Variants in PTPRD observed in about 807,000 individuals in gnomAD.
PTPRD encodes the protein protein tyrosine phosphatase receptor type D, also known as receptor-type tyrosine-protein phosphatase delta.
PTPRD carries 34 observed loss-of-function variants against 214.5 expected under a neutral mutation model. The ratio of observed to expected loss-of-function variants is 0.16; its 90% CI spans 0.12 to 0.21. The LOEUF (loss-of-function observed/expected upper bound fraction) is 0.21, where lower values mean the gene tolerates loss of function less well. Ranked by LOEUF, PTPRD falls within the 10% of genes least tolerant of loss-of-function variation. The pLI, the probability that PTPRD is intolerant of heterozygous loss-of-function variation, is 1.00. For synonymous variants in PTPRD, 1,128 were observed against 845.7 expected (o/e 1.33, Z -5.79); for missense variants, 2,545 against 2,398.7 (o/e 1.06, Z -1.27).
chr9:9,709,190 A>G (rs1022161308), intron 7 of PTPRD, among the ~76,000 whole-genome samples: 3 of 152,002 alleles, frequency 2.0e-5, no homozygotes, highest in Non-Finnish European at 4.4e-5. Context: ...TTAGTCATGA[A>G]TGCTTAGTAT....
intron 44 of PTPRD, among the ~76,000 whole-genome samples, chr9:8,329,829 T>C (rs544890992): frequency 9.9e-5 from 15 of 152,220 alleles, no homozygotes; most frequent in Middle Eastern, 3.4e-3. Context: ...ACAAACAGCC[T>C]ACTCTAGCCT....
At chr9:10,379,193 A>C (rs527326008) in intron 2 of PTPRD, among the ~76,000 whole-genome samples, 9 of 151,268 alleles carry the variant, frequency 5.9e-5, no homozygotes, top group South Asian at 2.1e-4. Flanking sequence ...TTTAGGGTAC[A>C]TGTGCACAAT....
At chr9:8,607,840 A>G (rs888537024) in intron 14 of PTPRD, among the ~76,000 whole-genome samples, 2 of 152,186 alleles carry the variant, frequency 1.3e-5, no homozygotes, top group Non-Finnish European at 2.9e-5. Context: ...TCTAGGATAT[A>G]TAATTTTAAG....
At chr9:8,500,686 C>T (rs992220479) in intron 24 of PTPRD, 68 bp downstream of exon 24, 5 of 1,473,600 alleles carry the variant, frequency 3.4e-6, no homozygotes, top group Middle Eastern at 2.3e-4. Context: ...TTACTGTGAG[C>T]CTATTGAAAG....
intron 11 of PTPRD, among the ~76,000 whole-genome samples, chr9:8,890,151 A>G (rs547978647): frequency 6.6e-6 from 1 of 152,370 alleles, no homozygotes; most frequent in Admixed American, 6.5e-5. Context: ...TATATGTCAG[A>G]ATATTCTCAT....
At chr9:8,428,391 C>G (rs1386274160) in intron 35 of PTPRD, among the ~76,000 whole-genome samples, 1 of 152,182 alleles carries the variant, frequency 6.6e-6, no homozygotes, top group Non-Finnish European at 1.5e-5. Flanking sequence ...GTTGTTACTG[C>G]TTTTTATTTC....
chr9:8,722,442 A>C (rs2154421259), intron 12 of PTPRD, among the ~76,000 whole-genome samples: 1 of 152,312 alleles, frequency 6.6e-6, no homozygotes, highest in South Asian at 2.1e-4. Context: ...ATTACCTTAC[A>C]TTCCCATTGG....
intron 11 of PTPRD, among the ~76,000 whole-genome samples, chr9:8,842,912 C>G (rs563179533): frequency 1.9e-4 from 29 of 152,318 alleles, no homozygotes; most frequent in Middle Eastern, 3.4e-3. Context: ...CACACTTGCT[C>G]TGCGCTGCAC....
At chr9:9,649,582 A>G (rs2096281715) in intron 7 of PTPRD, among the ~76,000 whole-genome samples, 1 of 152,336 alleles carries the variant, frequency 6.6e-6, no homozygotes, top group African/African-American at 2.4e-5. Context: ...CCCTACTTTG[A>G]GTGAGACTAA....
chr9:9,122,974 T>C (rs572863216), intron 10 of PTPRD, among the ~76,000 whole-genome samples: 6 of 152,300 alleles, frequency 3.9e-5, no homozygotes, highest in African/African-American at 1.2e-4. Flanking sequence ...GAAAATGGCA[T>C]TGCTATATCC....
chr9:10,037,001 A>C (rs1338692117), intron 3 of PTPRD, among the ~76,000 whole-genome samples: 1 of 151,990 alleles, frequency 6.6e-6, no homozygotes, highest in African/African-American at 2.4e-5. Flanking sequence ...CTACCACCCC[A>C]GTCTCCTTGA....
chr9:9,579,281 T>C (rs1420375804), intron 7 of PTPRD, among the ~76,000 whole-genome samples: 1 of 152,090 alleles, frequency 6.6e-6, no homozygotes, highest in Non-Finnish European at 1.5e-5. Context: ...TGTCAAAGTC[T>C]TTAAGTTCAT....
chr9:9,953,576 G>A (rs1399855101), intron 4 of PTPRD, among the ~76,000 whole-genome samples: 7 of 151,764 alleles, frequency 4.6e-5, no homozygotes, highest in African/African-American at 1.7e-4. Flanking sequence ...CTAACACAAT[G>A]ATAAGCTACC....
In PTPRD at chr9:9,427,172, T is replaced by G. The variant is rs148524550; in HGVS notation, c.-236-29690A>C. On this transcript the variant is annotated intron_variant, in intron 8 of 45. Coordinates refer to ENST00000381196, the MANE Select transcript of PTPRD (RefSeq NM_002839.4). ...AGAAGCTAAAAACCTTGAAAAAAGA[T>G]TAGACGAATGGCTGACTAGAATAAC... Among the ~76,000 whole-genome samples, 600 of 152,212 alleles carry G rather than the reference T, an allele frequency of 3.9e-3. 2 individuals carry two copies. The highest frequency in any genetic ancestry group is 0.014 in the African/African-American group (567 of 41,522).
chr9:10,517,791 A>C (rs1487936065), intron 2 of PTPRD, among the ~76,000 whole-genome samples: 1 of 152,114 alleles, frequency 6.6e-6, no homozygotes, highest in Non-Finnish European at 1.5e-5. Flanking sequence ...TCTTTTTAAT[A>C]AATATATTTC....
chr9:8,657,568 A>T (rs2096937329), intron 12 of PTPRD, among the ~76,000 whole-genome samples: 1 of 151,812 alleles, frequency 6.6e-6, no homozygotes, highest in Non-Finnish European at 1.5e-5. Context: ...CGTTGAAAAA[A>T]TTTTCTCCCG....
intron 3 of PTPRD, among the ~76,000 whole-genome samples, chr9:10,291,964 G>C (rs2095539999): frequency 6.6e-6 from 1 of 151,944 alleles, no homozygotes; most frequent in South Asian, 2.1e-4. Flanking sequence ...TGGTTAATGG[G>C]TTTACATTTT....
rs1286998687 is a variant in PTPRD at position 8,396,387 on chromosome 9, C to T, written c.4211-6980G>A. On this transcript the variant is annotated intron_variant, in intron 36 of 45. Transcript: ENST00000381196. ...AGACAGGATAAAAATAATTCTTTTA[C>T]AATTTCCCAGCAATCTGCTACCTGT... Among the ~76,000 whole-genome samples, 3 of 152,092 alleles carry T rather than the reference C, an allele frequency of 2.0e-5. No individual in the cohort carries two copies. In the East Asian group the frequency reaches 5.8e-4, roughly 29 times the overall value.
chr9:10,408,558 G>C (rs1374211818), intron 2 of PTPRD, among the ~76,000 whole-genome samples: 2 of 151,602 alleles, frequency 1.3e-5, no homozygotes, highest in African/African-American at 4.8e-5. Context: ...TATCACCCCT[G>C]CTTAATCTAA....
Sources: gnomAD v4.1 joint callset for allele counts (sites outside exome capture counted in the v4.1 genomes callset) on GRCh38, gnomAD v4.1.1 for gene constraint, MANE v1.5 for transcripts, NCBI Gene and HGNC (gene_info 2026-07-23, HGNC 2026-07-21) for gene names.